Variants in TTC29 observed in about 807,000 individuals in gnomAD.
TTC29 encodes the protein tetratricopeptide repeat domain 29.
In TTC29, 49 loss-of-function variants were observed where a neutral mutation model predicts 58.1. The ratio of observed to expected loss-of-function variants is 0.84; its 90% CI spans 0.67 to 1.07. TTC29 has a LOEUF of 1.07. Ranked by LOEUF, TTC29 falls within the 50% of genes least tolerant of loss-of-function variation. The pLI is 0.00. For missense variants in TTC29, 582 were observed against 555.6 expected, an observed-to-expected ratio of 1.05 and a Z score of -0.48; for synonymous variants, 209 against 196.8, an observed-to-expected ratio of 1.06 and a Z score of -0.52.
At position 146,780,194 on chromosome 4, in the gene TTC29, G is replaced by A. The variant is rs190216832; in HGVS notation, c.1330+23263C>T. 5.1e-4 allele frequency among the ~76,000 whole-genome samples: 77 copies of A among 152,126 alleles called. 1 individual carries two copies. The highest frequency in any genetic ancestry group is 1.5e-3 in the South Asian group (7 of 4,820). On this transcript the variant is annotated intron_variant, in intron 11 of 12. Transcript: ENST00000325106. ...AGTACTTTTTGGGTAACATGTATGG[G>A]TAGAGACCACAATGCTCCAGTCATC... is the stretch of plus-strand genomic sequence containing the variant.
At chr4:146,750,240 CT>C (rs1745880164) in intron 11 of TTC29, among the ~76,000 whole-genome samples, 1 of 152,162 alleles carries the variant, frequency 6.6e-6, no homozygotes, top group Non-Finnish European at 1.5e-5. Context: ...ATCTCCCAAC[CT>C]TGTGATCCGC....
intron 6 of TTC29, among the ~76,000 whole-genome samples, chr4:146,877,107 T>C (rs1731316759): frequency 6.6e-6 from 1 of 152,058 alleles, no homozygotes; most frequent in African/African-American, 2.4e-5. Context: ...CTGCAGGCCA[T>C]GAGTAGGATA....
At chr4:146,925,892 T>C (rs1333298322) in intron 4 of TTC29, among the ~76,000 whole-genome samples, 1 of 152,194 alleles carries the variant, frequency 6.6e-6, no homozygotes, top group Non-Finnish European at 1.5e-5. Flanking sequence ...TTCCAGCTTA[T>C]TCATTCCTTC....
At chr4:146,914,482 T>C (rs1362230100) in intron 4 of TTC29, among the ~76,000 whole-genome samples, 1 of 152,192 alleles carries the variant, frequency 6.6e-6, no homozygotes, top group Non-Finnish European at 1.5e-5. Flanking sequence ...ACTGATGCCA[T>C]GATACTGGAT....
intron 6 of TTC29, among the ~76,000 whole-genome samples, chr4:146,881,035 A>G (rs1382658786): frequency 1.3e-5 from 2 of 152,156 alleles, no homozygotes; most frequent in African/African-American, 4.8e-5. Flanking sequence ...ATAAGGGCAA[A>G]AGCAAGTTTA....
At chr4:146,885,993 A>G (rs1731956422) in intron 6 of TTC29, among the ~76,000 whole-genome samples, 2 of 152,066 alleles carry the variant, frequency 1.3e-5, no homozygotes, top group South Asian at 4.1e-4. Flanking sequence ...TATTTTTGCC[A>G]TTAAATTATA....
At chr4:146,926,397 T>G (rs1467471055) in intron 4 of TTC29, among the ~76,000 whole-genome samples, 1 of 152,194 alleles carries the variant, frequency 6.6e-6, no homozygotes, top group Non-Finnish European at 1.5e-5. Flanking sequence ...GGGGAGCATA[T>G]TTACATACTT....
chr4:146,747,823 T>G (rs573497259), intron 11 of TTC29, among the ~76,000 whole-genome samples: 1 of 152,268 alleles, frequency 6.6e-6, no homozygotes, highest in South Asian at 2.1e-4. Context: ...GAAGCTTGAC[T>G]TAGTGGTGCC....
At chr4:146,911,116 C>T (rs1359539799) in intron 4 of TTC29, among the ~76,000 whole-genome samples, 3 of 152,234 alleles carry the variant, frequency 2.0e-5, no homozygotes, top group Middle Eastern at 3.4e-3. Flanking sequence ...CCTCCCTATA[C>T]GCAAGGGCAT....
At chr4:146,743,484 C>T (rs186901531) in intron 11 of TTC29, among the ~76,000 whole-genome samples, 81 of 152,298 alleles carry the variant, frequency 5.3e-4, no homozygotes, top group South Asian at 2.3e-3. Flanking sequence ...ACAAGCAGCA[C>T]AGCCAGACTG....
intron 8 of TTC29, among the ~76,000 whole-genome samples, chr4:146,854,801 T>C (rs1227274435): frequency 6.6e-6 from 1 of 152,218 alleles, no homozygotes; most frequent in East Asian, 1.9e-4. Context: ...AACTTTCTAA[T>C]GTTTTGCCTC....
intron 4 of TTC29, among the ~76,000 whole-genome samples, chr4:146,912,738 C>T (rs541645151): frequency 5.5e-4 from 84 of 152,048 alleles, no homozygotes; most frequent in Non-Finnish European, 1.0e-3. Context: ...AGGGTAAAAC[C>T]GGGAGCAGGA....
At chr4:146,740,264 C>T (rs1008973054) in intron 11 of TTC29, among the ~76,000 whole-genome samples, 4 of 152,092 alleles carry the variant, frequency 2.6e-5, no homozygotes, top group Admixed American at 2.6e-4. Context: ...ATTTCACCGG[C>T]TTAGGAGAAA....
intron 8 of TTC29, among the ~76,000 whole-genome samples, chr4:146,845,379 T>C (rs1399050026): frequency 6.6e-6 from 1 of 152,110 alleles, no homozygotes; most frequent in East Asian, 1.9e-4. Flanking sequence ...TCAGAAAAGA[T>C]ATGAGAGAAA....
chr4:146,909,491 G>A (rs1220434726), intron 4 of TTC29, among the ~76,000 whole-genome samples: 1 of 152,026 alleles, frequency 6.6e-6, no homozygotes, highest in Non-Finnish European at 1.5e-5. Flanking sequence ...AAACATATCA[G>A]TTCCAGAGCT....
intron 11 of TTC29, among the ~76,000 whole-genome samples, chr4:146,736,226 G>T (rs1392160347): frequency 1.3e-5 from 2 of 151,776 alleles, no homozygotes; most frequent in Non-Finnish European, 2.9e-5. Context: ...TTTGGCTGGG[G>T]ACCCAAAGCC....
chr4:146,919,702 T>A (rs773759572), intron 4 of TTC29, among the ~76,000 whole-genome samples: 1 of 151,168 alleles, frequency 6.6e-6, no homozygotes, highest in Non-Finnish European at 1.5e-5. Flanking sequence ...TTTTGAAATT[T>A]TATTGTTTGG....
chr4:146,774,520 G>A (rs367679048), intron 11 of TTC29, among the ~76,000 whole-genome samples: 3 of 152,088 alleles, frequency 2.0e-5, no homozygotes, highest in East Asian at 3.9e-4. Flanking sequence ...CCATGTAATT[G>A]TATGGCTTGG....
chr4:146,784,255 A>T (rs909351804), intron 11 of TTC29, among the ~76,000 whole-genome samples: 3 of 152,098 alleles, frequency 2.0e-5, no homozygotes, highest in African/African-American at 7.2e-5. Context: ...AGCCTTTTAG[A>T]TAATTTAAAC....
Sources: allele counts gnomAD v4.1 joint callset (sites outside exome capture counted in the v4.1 genomes callset), GRCh38; gene constraint gnomAD v4.1.1; transcripts MANE v1.5; gene names NCBI Gene and HGNC (gene_info 2026-07-23, HGNC 2026-07-21).